Variants in TIAM1 observed in about 807,000 individuals in gnomAD.
The protein encoded by TIAM1 is rho guanine nucleotide exchange factor TIAM1.
Under a neutral mutation model 163.5 loss-of-function variants are expected in TIAM1, and 65 were observed. The observed-to-expected ratio is 0.40, with a 90% CI of 0.33 to 0.49. TIAM1 has a LOEUF of 0.49. TIAM1 is among the 20% of genes least tolerant of loss of function. The pLI, the probability that TIAM1 is intolerant of heterozygous loss-of-function variation, is 0.77. For synonymous variants in TIAM1, 833 were observed against 810.1 expected, an observed-to-expected ratio of 1.03 and a Z score of -0.48; for missense variants, 1,789 against 2,044.7, an observed-to-expected ratio of 0.87 and a Z score of 2.41.
At position 31,451,781 on chromosome 21, in the gene TIAM1, G is replaced by C. The variant is rs1189160502; in HGVS notation, c.-369+12202C>G. Among the ~76,000 whole-genome samples the C allele has an allele frequency of 3.3e-5, 5 of 151,894 alleles. No homozygotes were observed. The East Asian group carries it at 9.7e-4, about 29-fold the overall frequency. ...TGTGTGAGACACAGAGAGAGAGAGA[G>C]AGAGAGAGATAAAGAGAGAGTGAGA... On this transcript the variant is annotated intron_variant, in intron 2 of 28. Coordinates refer to the TIAM1 transcript ENST00000286827.
At chr21:31,473,173 G>C (rs967883054) in intron 1 of TIAM1, among the ~76,000 whole-genome samples, 1 of 152,182 alleles carries the variant, frequency 6.6e-6, no homozygotes, top group Admixed American at 6.5e-5. Flanking sequence ...GCTCACGCCT[G>C]TAATCCCAGC....
At position 31,211,020 on chromosome 21, in the gene TIAM1, T is replaced by C. The variant is rs182812808; in HGVS notation, c.2218-805A>G. On this transcript the variant is annotated intron_variant, in intron 10 of 27. Coordinates refer to ENST00000541036, the MANE Select transcript of TIAM1 (RefSeq NM_001353694.2). ...TTATATTTATAGACAGCATCATTTT[T>C]GTGCTCTCCTTGGACCTTCAGCACG... Among the ~76,000 whole-genome samples the C allele has an allele frequency of 1.6e-3, 242 of 152,276 alleles. 1 individual carries two copies. The highest frequency in any genetic ancestry group is 5.3e-3 in the African/African-American group (221 of 41,538).
chr21:31,397,788 G>A (rs1391191184), intron 2 of TIAM1, among the ~76,000 whole-genome samples: 1 of 152,190 alleles, frequency 6.6e-6, no homozygotes, highest in African/African-American at 2.4e-5. Context: ...TGAAGATGCT[G>A]GGCTGCTTTC....
intron 19 of TIAM1, among the ~76,000 whole-genome samples, chr21:31,147,718 A>C (rs960122680): frequency 1.4e-5 from 2 of 144,218 alleles, no homozygotes; most frequent in African/African-American, 2.5e-5. Flanking sequence ...TTTATATAAT[A>C]TATAAAATAT....
At chr21:31,448,100 AG>A (rs2044695656) in intron 2 of TIAM1, among the ~76,000 whole-genome samples, 2 of 152,196 alleles carry the variant, frequency 1.3e-5, no homozygotes, top group Admixed American at 6.5e-5. Flanking sequence ...ACTGATTTCA[AG>A]GTTCATCTCA....
intron 2 of TIAM1, among the ~76,000 whole-genome samples, chr21:31,297,458 G>C (rs2074323687): frequency 6.6e-6 from 1 of 152,214 alleles, no homozygotes; most frequent in Non-Finnish European, 1.5e-5. Flanking sequence ...GCAATGGCGA[G>C]ATCTCGGCTC....
intron 7 of TIAM1, among the ~76,000 whole-genome samples, chr21:31,224,026 G>A (rs556691518): frequency 5.6e-4 from 86 of 152,290 alleles, no homozygotes; most frequent in African/African-American, 1.1e-3. Flanking sequence ...GGGGTAGCCC[G>A]GAACACAGGG....
At chr21:31,360,220 T>G (rs1300794350) in intron 2 of TIAM1, among the ~76,000 whole-genome samples, 1 of 151,942 alleles carries the variant, frequency 6.6e-6, no homozygotes, top group Non-Finnish European at 1.5e-5. Flanking sequence ...CACCGCCAAC[T>G]GAGAATTCTA....
At chr21:31,160,645 A>T in intron 16 of TIAM1, 1 of 396,716 alleles carries the variant, frequency 2.5e-6, no homozygotes, top group Non-Finnish European at 4.4e-6. Flanking sequence ...CTCTGAAGAG[A>T]GCATCCTCTC....
intron 1 of TIAM1, among the ~76,000 whole-genome samples, chr21:31,503,236 A>C (rs1412196486): frequency 2.0e-5 from 3 of 151,748 alleles, no homozygotes; most frequent in Non-Finnish European, 4.4e-5. Context: ...CTCTACTAAA[A>C]ATAAAAAAAA....
intron 2 of TIAM1, among the ~76,000 whole-genome samples, chr21:31,307,948 A>G (rs550920988): frequency 6.6e-6 from 1 of 152,264 alleles, no homozygotes; most frequent in South Asian, 2.1e-4. Flanking sequence ...ATACTATACA[A>G]TGGGCTGGGT....
intron 2 of TIAM1, among the ~76,000 whole-genome samples, chr21:31,380,874 C>G (rs1471273434): frequency 6.6e-6 from 1 of 152,110 alleles, no homozygotes; most frequent in African/African-American, 2.4e-5. Context: ...TAGAATAAAA[C>G]TAGGTTTAAG....
At chr21:31,211,929 T>C (rs114386888) in intron 10 of TIAM1, among the ~76,000 whole-genome samples, 2,127 of 152,328 alleles carry the variant, frequency 0.014, 62 homozygotes, top group African/African-American at 0.048. Context: ...TTTCGCAGTT[T>C]CCAAGTTCTG....
chr21:31,548,492 T>TG (rs1286105232), intron 1 of TIAM1, among the ~76,000 whole-genome samples: 209 of 144,668 alleles, frequency 1.4e-3, no homozygotes, highest in African/African-American at 3.6e-3. Context: ...TTGTTGTTGT[T>TG]TTTTTTTTTT....
intron 1 of TIAM1, among the ~76,000 whole-genome samples, chr21:31,489,516 A>AAGGAAGGG (rs1491223791): frequency 5.0e-5 from 4 of 80,604 alleles, no homozygotes; most frequent in Non-Finnish European, 9.7e-5. Context: ...ACAGGGAGGG[A>AAGGAAGGG]AGGAAGGGAG....
intron 2 of TIAM1, among the ~76,000 whole-genome samples, chr21:31,320,796 C>G (rs1032870457): frequency 6.6e-5 from 10 of 152,188 alleles, no homozygotes; most frequent in Non-Finnish European, 1.2e-4. Context: ...AAGTTTGAGA[C>G]CAGCCTGGCC....
intron 15 of TIAM1, among the ~76,000 whole-genome samples, chr21:31,177,393 G>A (rs1224204527): frequency 6.6e-6 from 1 of 152,174 alleles, no homozygotes; most frequent in African/African-American, 2.4e-5. Flanking sequence ...GATCACCTGA[G>A]GCCAGGAGTT....
At chr21:31,405,498 A>G (rs775854413) in intron 2 of TIAM1, among the ~76,000 whole-genome samples, 13 of 152,168 alleles carry the variant, frequency 8.5e-5, no homozygotes, top group Non-Finnish European at 1.3e-4. Flanking sequence ...CACTGCTGAT[A>G]AAGACATAAC....
intron 16 of TIAM1, among the ~76,000 whole-genome samples, chr21:31,156,864 C>A (rs1341415005): frequency 6.6e-6 from 1 of 152,224 alleles, no homozygotes; most frequent in African/African-American, 2.4e-5. Flanking sequence ...CCTAACACAA[C>A]AAATGTATAA....
Sources: gnomAD v4.1 joint callset for allele counts (sites outside exome capture counted in the v4.1 genomes callset) on GRCh38, gnomAD v4.1.1 for gene constraint, MANE v1.5 for transcripts, NCBI Gene and HGNC (gene_info 2026-07-23, HGNC 2026-07-21) for gene names.